Variants in BZW2 observed in about 807,000 individuals in gnomAD.
BZW2 encodes eIF5-mimic protein 1.
A neutral mutation model predicts 53.2 loss-of-function variants in BZW2; 23 were observed. That is an observed-to-expected ratio of 0.43 (90% CI 0.31 to 0.61). The LOEUF (loss-of-function observed/expected upper bound fraction) is 0.61. BZW2 is among the 20% of genes least tolerant of loss of function. The pLI, the probability that BZW2 is intolerant of heterozygous loss-of-function variation, is 0.09. For synonymous variants in BZW2, 227 were observed against 186.4 expected (o/e 1.22, Z -1.77); for missense variants, 409 against 503.1 (o/e 0.81, Z 1.79).
intron 6 of BZW2, chr7:16,686,271 G>A (rs1476218294): frequency 1.9e-6 from 1 of 524,996 alleles, no homozygotes; most frequent in Non-Finnish European, 3.2e-6. Flanking sequence ...GACATATTAA[G>A]AAAGACTAAT....
At chr7:16,681,250 C>A in intron 3 of BZW2, 51 bp from the exon 4 acceptor site, 1 of 1,383,378 alleles carries the variant, frequency 7.2e-7, no homozygotes, top group Non-Finnish European at 1.0e-6. Context: ...TCTGCAAATG[C>A]TGTTCTCAAT....
chr7:16,679,683 A>G (rs1399146185), intron 3 of BZW2, among the ~76,000 whole-genome samples: 1 of 152,224 alleles, frequency 6.6e-6, no homozygotes, highest in East Asian at 1.9e-4. Flanking sequence ...ACTCAAACAA[A>G]TAAAGGGAGT....
intron 2 of BZW2, among the ~76,000 whole-genome samples, chr7:16,670,064 T>C (rs548850609): frequency 6.6e-6 from 1 of 152,336 alleles, no homozygotes; most frequent in African/African-American, 2.4e-5. Context: ...ATATGGGAAT[T>C]TTCTAGTCCT....
At chr7:16,684,271 A>G (rs191045483) in intron 5 of BZW2, among the ~76,000 whole-genome samples, 37 of 152,290 alleles carry the variant, frequency 2.4e-4, no homozygotes, top group African/African-American at 8.7e-4. Context: ...ATATCTTTGT[A>G]CCTTAGTGTT....
At chr7:16,673,832 T>C (rs1284051821) in intron 2 of BZW2, among the ~76,000 whole-genome samples, 1 of 152,204 alleles carries the variant, frequency 6.6e-6, no homozygotes, top group African/African-American at 2.4e-5. Flanking sequence ...GTCCTGAAGC[T>C]GTAGATATAC....
chr7:16,655,264 G>A (rs894619292), intron 1 of BZW2, among the ~76,000 whole-genome samples: 2 of 152,202 alleles, frequency 1.3e-5, no homozygotes, highest in Admixed American at 6.5e-5. Flanking sequence ...ATTAAAAGGG[G>A]TTTTGTTTAA....
chr7:16,686,182 A>G (rs2128363925), intron 6 of BZW2, 142 bp downstream of exon 6: 1 of 1,297,534 alleles, frequency 7.7e-7, no homozygotes, highest in Non-Finnish European at 1.1e-6. Flanking sequence ...ATGGGTGTAT[A>G]TTGCCTTTCA....
intron 1 of BZW2, among the ~76,000 whole-genome samples, chr7:16,656,343 A>C (rs190297194): frequency 7.3e-4 from 111 of 152,230 alleles, no homozygotes; most frequent in African/African-American, 2.6e-3. Flanking sequence ...TTAGCTATTC[A>C]GGTCATGTGT....
At chr7:16,664,757 C>T (rs1449715139) in intron 1 of BZW2, among the ~76,000 whole-genome samples, 1 of 152,160 alleles carries the variant, frequency 6.6e-6, no homozygotes, top group African/African-American at 2.4e-5. Flanking sequence ...AATCCTTTTA[C>T]ATATACAAGT....
At chr7:16,647,609 T>C (rs1781899416) in intron 1 of BZW2, among the ~76,000 whole-genome samples, 1 of 152,240 alleles carries the variant, frequency 6.6e-6, no homozygotes, top group South Asian at 2.1e-4. Flanking sequence ...TCTCAGTGTA[T>C]AACAAAGATA....
At chr7:16,699,531 A>G (rs774927435) in intron 10 of BZW2, among the ~76,000 whole-genome samples, 7 of 152,084 alleles carry the variant, frequency 4.6e-5, no homozygotes, top group Non-Finnish European at 1.0e-4. Context: ...GGAAAACCAA[A>G]CTGTTCGTAA....
intron 7 of BZW2, among the ~76,000 whole-genome samples, chr7:16,690,825 T>G (rs1374946021): frequency 6.6e-6 from 1 of 152,214 alleles, no homozygotes; most frequent in East Asian, 1.9e-4. Context: ...TACAATTTCT[T>G]TCTTCTTGAT....
intron 10 of BZW2, among the ~76,000 whole-genome samples, chr7:16,699,121 G>A (rs1337241517): frequency 6.6e-6 from 1 of 152,094 alleles, no homozygotes; most frequent in East Asian, 1.9e-4. Flanking sequence ...AATGAATCTT[G>A]TCCACAAGTG....
At chr7:16,665,071 T>C (rs706030) in intron 1 of BZW2, among the ~76,000 whole-genome samples, 118,084 of 152,164 alleles carry the variant, frequency 0.78, 46,628 homozygotes, top group African/African-American at 0.93. Context: ...CAACAGTTTG[T>C]GAGGCCAAGG....
intron 5 of BZW2, among the ~76,000 whole-genome samples, chr7:16,684,148 T>A (rs818497): frequency 0.32 from 48,711 of 152,158 alleles, 9,675 homozygotes; most frequent in African/African-American, 0.57. Flanking sequence ...TCTTTTATAC[T>A]TGTAGGCATA....
chr7:16,683,680 C>T (rs1290143449), intron 5 of BZW2, among the ~76,000 whole-genome samples: 1 of 152,160 alleles, frequency 6.6e-6, no homozygotes, highest in Non-Finnish European at 1.5e-5. Context: ...ATTGCATGTT[C>T]CCTCTTCCAA....
chr7:16,677,862 G>T (rs1372979495), intron 3 of BZW2, among the ~76,000 whole-genome samples: 1 of 151,968 alleles, frequency 6.6e-6, no homozygotes, highest in Non-Finnish European at 1.5e-5. Flanking sequence ...ATTTCCATTG[G>T]TTAGTGCAGC....
intron 1 of BZW2, among the ~76,000 whole-genome samples, chr7:16,652,272 A>G (rs949854060): frequency 6.6e-6 from 1 of 152,122 alleles, no homozygotes; most frequent in Non-Finnish European, 1.5e-5. Flanking sequence ...CACGCACTTA[A>G]TTATTAAAAC....
intron 5 of BZW2, among the ~76,000 whole-genome samples, chr7:16,683,818 A>G (rs959945108): frequency 1.3e-5 from 2 of 152,240 alleles, no homozygotes; most frequent in Admixed American, 6.5e-5. Context: ...AAAAGTAACC[A>G]TAACATATAC....
Sources: gnomAD v4.1 joint callset for allele counts (sites outside exome capture counted in the v4.1 genomes callset) on GRCh38, gnomAD v4.1.1 for gene constraint, MANE v1.5 for transcripts, NCBI Gene and HGNC (gene_info 2026-07-23, HGNC 2026-07-21) for gene names.